Variants in GNA14 observed in about 807,000 individuals in gnomAD.
GNA14 encodes the protein G protein subunit alpha 14.
GNA14 carries 50 observed loss-of-function variants against 42.0 expected under a neutral mutation model. The ratio of observed to expected loss-of-function variants is 1.19; its 90% CI spans 0.95 to 1.51. The LOEUF (loss-of-function observed/expected upper bound fraction) is 1.51. GNA14 is among the 40% of genes most tolerant of loss of function. The pLI, the probability that GNA14 is intolerant of heterozygous loss-of-function variation, is 0.00. For missense variants in GNA14, 473 were observed against 446.2 expected (o/e 1.06, Z -0.54); for synonymous variants, 173 against 163.1 (o/e 1.06, Z -0.46).
intron 4 of GNA14, among the ~76,000 whole-genome samples, chr9:77,429,620 G>A (rs925752366): frequency 1.2e-4 from 18 of 152,176 alleles, no homozygotes; most frequent in African/African-American, 4.3e-4. Context: ...CAGGGATCAT[G>A]AGCTCAAATG....
At chr9:77,607,378 G>A (rs1298023147) in intron 1 of GNA14, among the ~76,000 whole-genome samples, 1 of 152,208 alleles carries the variant, frequency 6.6e-6, no homozygotes, top group Non-Finnish European at 1.5e-5. Flanking sequence ...CACAGGAAGA[G>A]AGGCTTGATG....
chr9:77,600,444 T>A (rs1173180243), intron 1 of GNA14, among the ~76,000 whole-genome samples: 1 of 152,184 alleles, frequency 6.6e-6, no homozygotes, highest in Non-Finnish European at 1.5e-5. Flanking sequence ...TATGAATGAG[T>A]ATTCTCCTTG....
At chr9:77,493,162 A>C (rs73651512) in intron 2 of GNA14, among the ~76,000 whole-genome samples, 4,599 of 151,050 alleles carry the variant, frequency 0.03, 163 homozygotes, top group African/African-American at 0.084. Flanking sequence ...AAGGATTGGT[A>C]TGCTACTCAC....
intron 2 of GNA14, among the ~76,000 whole-genome samples, chr9:77,458,904 A>AGGGGG (rs138020529): frequency 5.5e-4 from 74 of 134,342 alleles, no homozygotes; most frequent in Non-Finnish European, 8.0e-4. Flanking sequence ...CACAAGCTGG[A>AGGGGG]GGGGGGGGGG....
chr9:77,461,433 A>G (rs1176284760), intron 2 of GNA14, among the ~76,000 whole-genome samples: 2 of 152,220 alleles, frequency 1.3e-5, no homozygotes, highest in African/African-American at 4.8e-5. Flanking sequence ...CAAAATTATT[A>G]TATTCTAAAA....
In GNA14 at chr9:77,648,120, C is replaced by T; in HGVS notation, c.-327G>A. ...GCTGGCCCCGGGAAGATGCGCGCGC[C>T]CCTTGGCACAGGAGCCGGACAGCAG... On this transcript the variant is annotated 5_prime_UTR_variant, in exon 1 of 7. Transcript: ENST00000341700. The T allele has an allele frequency of 2.6e-6, 1 of 379,068 alleles. No individual in the cohort carries two copies. The highest frequency in any genetic ancestry group is 4.8e-6 in the Non-Finnish European group (1 of 210,176). 23.5% of individuals were successfully genotyped at this position (379,068 alleles called of 1,614,324 possible).
At chr9:77,573,133 G>A (rs1823083690) in intron 1 of GNA14, among the ~76,000 whole-genome samples, 2 of 152,144 alleles carry the variant, frequency 1.3e-5, no homozygotes, top group Admixed American at 6.5e-5. Flanking sequence ...GGTTGCAGGA[G>A]AGGGGAGCAT....
At chr9:77,424,232 CT>C (rs200682524) in intron 6 of GNA14, 63 bp from the exon 7 acceptor site, 371 of 1,193,888 alleles carry the variant, frequency 3.1e-4, no homozygotes, top group Admixed American at 4.5e-4. Flanking sequence ...TCCCAAGAAC[CT>C]TTTTTTTGAG....
chr9:77,425,738 G>C, intron 5 of GNA14, 23 bp from the exon 6 acceptor site: 1 of 1,559,270 alleles, frequency 6.4e-7, no homozygotes, highest in South Asian at 1.2e-5. Flanking sequence ...CAAGGGACTT[G>C]GGATGAAGTA....
Position 77,517,595 on chromosome 9 carries a change from T to C in GNA14, c.309+11474A>G, listed in dbSNP as rs867513801. 46 of 57,048 alleles carry C rather than the reference T, an allele frequency of 8.1e-4. No individual in the cohort carries two copies. The East Asian group carries it at 0.017, about 21-fold the overall frequency. The allele number at this position is 57,048 out of a possible 1,614,324, so 3.5% of individuals were successfully genotyped here. ...GTGCTTATCCTGGTACTTTTCTTTT[T>C]TTTTTTTTTTTTTTTTTTTTTTTTT... On this transcript the variant is annotated intron_variant, in intron 2 of 6. Transcript: ENST00000341700.
At chr9:77,448,094 A>C (rs759223679) in intron 2 of GNA14, among the ~76,000 whole-genome samples, 36 of 152,240 alleles carry the variant, frequency 2.4e-4, no homozygotes, top group Non-Finnish European at 3.2e-4. Context: ...TTGCTAATAA[A>C]GTTCTATGGG....
intron 1 of GNA14, among the ~76,000 whole-genome samples, chr9:77,597,925 G>T (rs776049767): frequency 6.6e-6 from 1 of 152,042 alleles, no homozygotes; most frequent in Non-Finnish European, 1.5e-5. Context: ...TTAGCTGGGC[G>T]TGGTGGTGCA....
Position 77,609,822 on chromosome 9 carries a change from C to A in GNA14, c.124+37848G>T, listed in dbSNP as rs1331862946. The stretch of plus-strand genomic sequence containing the variant: ...GATTTAAAAGCCTCAGAATCAAAGT[C>A]TCTCTCTGATCTTCTCCTGATCCAG... On this transcript the variant is annotated intron_variant, in intron 1 of 6. Transcript: ENST00000341700. Among the ~76,000 whole-genome samples the A allele has an allele frequency of 2.0e-5, 3 of 152,204 alleles. No homozygotes were observed. The East Asian group carries it at 5.8e-4, about 29-fold the overall frequency.
chr9:77,443,699 G>T (rs1224265776), intron 2 of GNA14, among the ~76,000 whole-genome samples: 1 of 151,814 alleles, frequency 6.6e-6, no homozygotes, highest in Admixed American at 6.6e-5. Context: ...AACTTCAGTC[G>T]GGGCTGGGCA....
At chr9:77,516,069 C>A (rs1413296635) in intron 2 of GNA14, among the ~76,000 whole-genome samples, 2 of 150,784 alleles carry the variant, frequency 1.3e-5, no homozygotes, top group Non-Finnish European at 2.9e-5. Context: ...GTACATGACC[C>A]GCAAGCAGAG....
rs758424460 is a variant in GNA14, at chr9:77,429,070, G to C, written c.594-34C>G. On this transcript the variant is annotated intron_variant, in intron 4 of 6. Coordinates refer to ENST00000341700, the MANE Select transcript of GNA14 (RefSeq NM_004297.4). ...TAGAAACACAGATCCTTCAAAGGTT[G>C]GAATACATGACACTTCGGGGAAAAA... The C allele has an allele frequency of 1.5e-5, 24 of 1,609,976 alleles. No individual in the cohort carries two copies. The East Asian group carries it at 4.7e-4, about 31-fold the overall frequency.
intron 4 of GNA14, 56 bp downstream of exon 4, chr9:77,431,265 T>C: frequency 6.5e-7 from 1 of 1,538,142 alleles, no homozygotes; most frequent in Non-Finnish European, 8.9e-7. Flanking sequence ...AGAATCCACC[T>C]GGGGACTTCC....
chr9:77,582,167 C>T (rs1183928119), intron 1 of GNA14, among the ~76,000 whole-genome samples: 1 of 152,220 alleles, frequency 6.6e-6, no homozygotes, highest in Non-Finnish European at 1.5e-5. Context: ...AGTATTTGTC[C>T]ACCCAAGGCA....
At chr9:77,489,864 A>T (rs2131735104) in intron 2 of GNA14, among the ~76,000 whole-genome samples, 1 of 152,248 alleles carries the variant, frequency 6.6e-6, no homozygotes, top group Non-Finnish European at 1.5e-5. Flanking sequence ...ATTTATTGCA[A>T]AGACTGAAAG....
Sources: gnomAD v4.1 joint callset for allele counts (sites outside exome capture counted in the v4.1 genomes callset) on GRCh38, gnomAD v4.1.1 for gene constraint, MANE v1.5 for transcripts, NCBI Gene and HGNC (gene_info 2026-07-23, HGNC 2026-07-21) for gene names.